Variants in TECPR1 observed in about 807,000 individuals in gnomAD.
TECPR1 encodes the protein tectonin beta-propeller repeat containing 1.
A neutral mutation model predicts 162.4 loss-of-function variants in TECPR1; 122 were observed. That is an observed-to-expected ratio of 0.75 (90% CI 0.65 to 0.87). The LOEUF is 0.87. Ranked by LOEUF, TECPR1 falls within the 40% of genes least tolerant of loss-of-function variation. The pLI is 0.00. For missense variants in TECPR1, 1,432 were observed against 1,618.2 expected (o/e 0.88, Z 1.97); for synonymous variants, 642 against 670.6 (o/e 0.96, Z 0.66).
At chr7:98,222,855 G>A in intron 21 of TECPR1, 135 bp downstream of exon 21, 1 of 1,228,534 alleles carries the variant, frequency 8.1e-7, no homozygotes, top group Non-Finnish European at 1.2e-6. Flanking sequence ...AACTGCCCCA[G>A]GGCACAGGGA....
intron 8 of TECPR1, among the ~76,000 whole-genome samples, chr7:98,239,762 G>C (rs1029484408): frequency 6.6e-6 from 1 of 152,046 alleles, no homozygotes; most frequent in Admixed American, 6.6e-5. Context: ...AGATGCAGAC[G>C]TGTGGGCCGT....
chr7:98,232,001 G>A lies in TECPR1; in HGVS notation c.1819-42C>T, dbSNP rs547124967. The A allele has an allele frequency of 3.4e-5, 53 of 1,556,354 alleles. No homozygotes were observed. Among genetic ancestry groups the A allele is most frequent in the South Asian group, 3.2e-4 (28 of 88,026 alleles). The stretch of plus-strand genomic sequence containing the variant: ...AGTGGACACCATCACAGGCAGGCCC[G>A]GGGTGCCAGGGGAGGAGGGCGGGGC... On this transcript the variant is annotated intron_variant, in intron 12 of 25. Transcript: ENST00000447648. This position sits in a 1 kb window ranked among gnomAD's most constrained non-coding sequence, Gnocchi z 4.6.
rs967583018 is a variant in TECPR1 at position 98,246,169 on chromosome 7, C to G, written c.-19-4G>C. On this transcript the variant is annotated splice_region_variant and splice_polypyrimidine_tract_variant and intron_variant, in intron 2 of 25. Coordinates refer to ENST00000447648, the MANE Select transcript of TECPR1 (RefSeq NM_015395.3). ...CATGGCAGCGGCTGGAGGTAACCTG[C>G]GGCAGGAGGACGAGGGCCAGCGTTC... The G allele has an allele frequency of 2.0e-6, 3 of 1,531,232 alleles. No individual in the cohort carries two copies. In the African/African-American group the frequency reaches 4.1e-5, roughly 21 times the overall value. The allele number at this position is 1,531,232 out of a possible 1,614,324, so 94.9% of individuals were successfully genotyped here. A position where few individuals can be genotyped will look rare whatever the true frequency, so the allele number is the denominator to read the frequency against.
rs550913039 is a variant in TECPR1, at chr7:98,233,733, C to A, written c.1360G>T (p.Ala454Ser). Residue 454 changes from alanine (A) to serine (S), a missense_variant, in exon 11 of 26, where the codon GCA becomes TCA. Coordinates refer to ENST00000447648, the MANE Select transcript of TECPR1 (RefSeq NM_015395.3). ...SASGLGAGRT[A>S]EDTVEDACPA... The stretch of plus-strand genomic sequence containing the variant: ...CAGGCATCTTCCACGGTATCTTCTG[C>A]GGTCCTGCCAGCCCCCAGGCCTGAG... 1.9e-6 allele frequency: 3 copies of A among 1,612,392 alleles called. No individual in the cohort carries two copies. The South Asian group carries it at 3.3e-5, about 18-fold the overall frequency.
Position 98,223,046 on chromosome 7 carries a change from C to T in TECPR1, c.2872G>A (p.Val958Ile), listed in dbSNP as rs749732667. The T allele has an allele frequency of 1.7e-5, 28 of 1,610,044 alleles. No individual in the cohort carries two copies. The highest frequency in any genetic ancestry group is 2.7e-5 in the African/African-American group (2 of 74,880). ...CACAGCACATCCCCCTTGTCGCTGA[C>T]GGCCCAGAGGGCGATGCTGTGCCCA... ...GSGHSIALWA[V>I]SDKGDVLCRL... Residue 958 changes from valine (V) to isoleucine (I), a missense_variant, in exon 21 of 26, where the codon GTC becomes ATC. By Grantham distance (29) the Val-to-Ile change is conservative. Coordinates refer to ENST00000447648, the MANE Select transcript of TECPR1 (RefSeq NM_015395.3).
intron 8 of TECPR1, among the ~76,000 whole-genome samples, chr7:98,239,616 T>C (rs1798694874): frequency 1.3e-5 from 2 of 152,038 alleles, no homozygotes; most frequent in Admixed American, 6.6e-5. Flanking sequence ...AAGTGACACA[T>C]GGCTGTAAGA....
chr7:98,222,652 GC>G, intron 21 of TECPR1, 131 bp from the exon 22 acceptor site: 2 of 1,106,924 alleles, frequency 1.8e-6, no homozygotes, highest in Non-Finnish European at 2.5e-6. Context: ...GAGTCACACA[GC>G]CCCACCCGGC....
chr7:98,247,402 A>G (rs557920437), intron 2 of TECPR1, among the ~76,000 whole-genome samples: 1 of 152,160 alleles, frequency 6.6e-6, no homozygotes, highest in Admixed American at 6.5e-5. Flanking sequence ...CGGCCTCCCA[A>G]ACTGCTAGGA....
chr7:98,231,259 G>A lies in TECPR1; in HGVS notation c.2089C>T (p.Leu697=), dbSNP rs756999731. The change falls in exon 14 of 26, where the codon CTG becomes TTG. Residue 697 remains leucine, a synonymous_variant. Transcript: ENST00000447648. ...ATGTCCTGCTCGGTGGCAGCAGCCAGACGCACCGGCCACCTCTGCCGTGTC... is the reference window on the plus strand; with the variant it reads ...ATGTCCTGCTCGGTGGCAGCAGCCAAACGCACCGGCCACCTCTGCCGTGTC... ...ERTRQRWPVR[L]AAATEQDMND... 3 of 1,612,982 alleles carry A rather than the reference G, an allele frequency of 1.9e-6. No homozygotes were observed. The African/African-American group carries it at 4.0e-5, about 22-fold the overall frequency.
In TECPR1 at chr7:98,236,718, C is replaced by G. The variant is rs1208404467; in HGVS notation, c.1181+58G>C. ...GGCAGCCTCTTCTGGACATGACCAC[C>G]TAGGCTCAGACGGCCCATCCCAGCC... On this transcript the variant is annotated intron_variant, in intron 10 of 25. Transcript: ENST00000447648. The G allele has an allele frequency of 2.6e-6, 4 of 1,556,126 alleles. No homozygotes were observed. The African/African-American group carries it at 4.1e-5, about 16-fold the overall frequency.
intron 22 of TECPR1, 100 bp from the exon 23 acceptor site, chr7:98,221,853 G>T: frequency 1.1e-6 from 1 of 886,324 alleles, no homozygotes; most frequent in Non-Finnish European, 1.8e-6. Context: ...CGGATGTGTA[G>T]CCTGGTGTCA....
chr7:98,223,714 ATG>A lies in TECPR1; in HGVS notation c.2693_2694del (p.Ser898LeufsTer125). ...GWQYASDFPA[S>X]YHGSKTMKDF... ...TCCTTCATCGTTTTGGACCCATGGT[ATG>A]AGCTGCAAGGAGGAAGAAGATGAAA... On this transcript the variant is annotated frameshift_variant and splice_region_variant, in exon 20 of 26. Transcript: ENST00000447648. LOFTEE classifies it high-confidence loss of function. 1 of 1,613,502 alleles carries A rather than the reference ATG, an allele frequency of 6.2e-7. No homozygotes were observed. Among genetic ancestry groups the A allele is most frequent in the Non-Finnish European group, 8.5e-7 (1 of 1,179,634 alleles).
Position 98,231,292 on chromosome 7 carries a change from G to A in TECPR1, c.2056C>T (p.Pro686Ser). 1.2e-6 allele frequency: 2 copies of A among 1,612,834 alleles called. No homozygotes were observed. Among genetic ancestry groups the A allele is most frequent in the South Asian group, 2.2e-5 (2 of 90,880 alleles). Residue 686 changes from proline (P) to serine (S), a missense_variant, in exon 14 of 26, where the codon CCT becomes TCT. By Grantham distance (74) the Pro-to-Ser change is moderately conservative. Coordinates refer to ENST00000447648, the MANE Select transcript of TECPR1 (RefSeq NM_015395.3). ...GGCCACCTCTGCCGTGTCCGCTCAG[G>A]GGTGTACAGGGCAAAGGAGTGCTTG... is the stretch of plus-strand genomic sequence containing the variant. ...ETKHSFALYT[P>S]ERTRQRWPVR... is the part of the protein sequence containing the mutation.
At chr7:98,225,305 C>T (rs1432337654) in intron 17 of TECPR1, among the ~76,000 whole-genome samples, 4 of 152,180 alleles carry the variant, frequency 2.6e-5, no homozygotes, top group Admixed American at 1.3e-4. Flanking sequence ...GAGGCTGACG[C>T]GGGCAGATCA....
intron 8 of TECPR1, among the ~76,000 whole-genome samples, chr7:98,239,232 T>C (rs936099950): frequency 6.6e-6 from 1 of 152,222 alleles, no homozygotes; most frequent in Non-Finnish European, 1.5e-5. Context: ...GTCTCAGACC[T>C]ACTGGAGACC....
intron 23 of TECPR1, among the ~76,000 whole-genome samples, chr7:98,219,477 A>G (rs1236587975): frequency 3.3e-5 from 5 of 152,254 alleles, no homozygotes; most frequent in Non-Finnish European, 5.9e-5. Flanking sequence ...AATATTTGCA[A>G]ACTATGCAAC....
chr7:98,229,289 C>G, intron 15 of TECPR1, 123 bp from the exon 16 acceptor site: 1 of 1,296,620 alleles, frequency 7.7e-7, no homozygotes, highest in Admixed American at 2.4e-5. Flanking sequence ...GGTCTCCAAG[C>G]ACAGACCATC....
intron 8 of TECPR1, 98 bp from the exon 9 acceptor site, chr7:98,238,708 CT>C: frequency 9.7e-7 from 1 of 1,028,188 alleles, no homozygotes; most frequent in East Asian, 2.6e-5. Flanking sequence ...TAATTTGATC[CT>C]TTGGTTCACG....
intron 2 of TECPR1, among the ~76,000 whole-genome samples, chr7:98,248,656 G>A (rs62479836): frequency 0.45 from 67,873 of 150,140 alleles, 15,811 homozygotes; most frequent in East Asian, 0.7. Context: ...AGCCTGGCCA[G>A]CATGGTGAGA....
Sources: allele counts gnomAD v4.1 joint callset (sites outside exome capture counted in the v4.1 genomes callset), GRCh38; gene constraint gnomAD v4.1.1; non-coding constraint Gnocchi (gnomAD v3.1); transcripts MANE v1.5; gene names NCBI Gene and HGNC (gene_info 2026-07-23, HGNC 2026-07-21).